Variants in KLF12 observed in about 807,000 individuals in gnomAD.
The protein encoded by KLF12 is KLF transcription factor 12.
KLF12 carries 9 observed loss-of-function variants against 37.8 expected under a neutral mutation model. The observed-to-expected ratio is 0.24, with a 90% CI of 0.14 to 0.42. KLF12 has a LOEUF of 0.42. Among genes scored for constraint, KLF12 ranks in the 10% least tolerant of loss-of-function variants. The pLI is 1.00. For missense variants in KLF12, 411 were observed against 516.0 expected, an observed-to-expected ratio of 0.80 and a Z score of 1.97; for synonymous variants, 208 against 202.1, an observed-to-expected ratio of 1.03 and a Z score of -0.25.
the KLF12 span, among the ~76,000 whole-genome samples, chr13:74,268,948 AAT>A: frequency 1.3e-5 from 2 of 152,198 alleles, no homozygotes; most frequent in East Asian, 1.9e-4. Context: ...ACTGAAGAAA[AAT>A]AGAGTTGCTA....
At chr13:74,224,094 T>C in the KLF12 span, among the ~76,000 whole-genome samples, 1 of 152,168 alleles carries the variant, frequency 6.6e-6, no homozygotes, top group African/African-American at 2.4e-5. Context: ...TTGTTCAAGT[T>C]AGAGAATCCT....
intron 5 of KLF12, among the ~76,000 whole-genome samples, chr13:73,791,948 A>G (rs1881710530): frequency 6.6e-6 from 1 of 152,208 alleles, no homozygotes; most frequent in African/African-American, 2.4e-5. Context: ...TGTACTAAAC[A>G]TGGCAAAACC....
chr13:74,181,026 T>C, the KLF12 span, among the ~76,000 whole-genome samples: 1 of 152,034 alleles, frequency 6.6e-6, no homozygotes, highest in Admixed American at 6.6e-5. Flanking sequence ...TTTGACGGAG[T>C]CTTGCTTTGT....
At chr13:74,184,408 G>T in the KLF12 span, among the ~76,000 whole-genome samples, 2 of 151,880 alleles carry the variant, frequency 1.3e-5, no homozygotes, top group African/African-American at 4.8e-5. Context: ...AGTAAACCAG[G>T]AAAGGCTTTA....
At chr13:74,277,888 G>C in the KLF12 span, among the ~76,000 whole-genome samples, 1 of 152,162 alleles carries the variant, frequency 6.6e-6, no homozygotes, top group Non-Finnish European at 1.5e-5. Flanking sequence ...AGAGTAGTTG[G>C]CTTCTTCTAC....
intron 4 of KLF12, among the ~76,000 whole-genome samples, chr13:73,819,374 A>T (rs1159871320): frequency 1.3e-5 from 2 of 151,644 alleles, no homozygotes; most frequent in Non-Finnish European, 2.9e-5. Flanking sequence ...CTTCTATAAC[A>T]CTCCTTCTAA....
chr13:73,940,496 A>G (rs771986279), intron 3 of KLF12, among the ~76,000 whole-genome samples: 11 of 152,232 alleles, frequency 7.2e-5, no homozygotes, highest in Non-Finnish European at 4.4e-5. Flanking sequence ...CATGGCTACG[A>G]GATGAGGACT....
chr13:73,839,093 C>CT (rs371913126), intron 4 of KLF12, among the ~76,000 whole-genome samples: 6,431 of 138,602 alleles, frequency 0.046, 221 homozygotes, highest in African/African-American at 0.094. Context: ...ATGACATTAA[C>CT]TTTTTTTTTT....
At chr13:74,208,658 G>A in the KLF12 span, among the ~76,000 whole-genome samples, 1 of 152,012 alleles carries the variant, frequency 6.6e-6, no homozygotes, top group African/African-American at 2.4e-5. Context: ...GAGAGCATTA[G>A]AATCCAGGAA....
chr13:73,911,144 T>C (rs959058842), intron 3 of KLF12, among the ~76,000 whole-genome samples: 1 of 152,204 alleles, frequency 6.6e-6, no homozygotes, highest in African/African-American at 2.4e-5. Flanking sequence ...GTGATTGATA[T>C]ATTAGTTTGA....
At chr13:74,132,415 T>G (rs1878311806) in intron 1 of KLF12, among the ~76,000 whole-genome samples, 1 of 152,204 alleles carries the variant, frequency 6.6e-6, no homozygotes, top group South Asian at 2.1e-4. Flanking sequence ...ATAGAGTTGC[T>G]CGTCTCTCCG....
At chr13:74,080,927 A>G (rs1056329148) in intron 1 of KLF12, among the ~76,000 whole-genome samples, 2 of 152,184 alleles carry the variant, frequency 1.3e-5, no homozygotes, top group Admixed American at 6.5e-5. Context: ...TCTTCCTATC[A>G]CTGAACTGAT....
chr13:73,856,161 CT>C (rs1885596957), intron 3 of KLF12, among the ~76,000 whole-genome samples: 1 of 152,176 alleles, frequency 6.6e-6, no homozygotes, highest in Non-Finnish European at 1.5e-5. Context: ...AGGCTGGGGA[CT>C]TAGAGATGAA....
chr13:74,085,031 C>A (rs1875181006), intron 1 of KLF12, among the ~76,000 whole-genome samples: 1 of 151,908 alleles, frequency 6.6e-6, no homozygotes, highest in Non-Finnish European at 1.5e-5. Context: ...ATATCATGAT[C>A]CATTAAACAA....
the KLF12 span, among the ~76,000 whole-genome samples, chr13:74,204,164 C>G: frequency 6.6e-6 from 1 of 152,094 alleles, no homozygotes; most frequent in Admixed American, 6.6e-5. Flanking sequence ...TACTATGTGT[C>G]TGACTTTGGA....
Position 73,814,054 on chromosome 13 carries a change from A to G in KLF12, c.671-767T>C, listed in dbSNP as rs570596127. ...GGTTACTTACTGTCAACATATGTTA[A>G]CACATATTTTTAAAAATTACATTTC... On this transcript the variant is annotated intron_variant, in intron 4 of 7. Transcript: ENST00000377669. Among the ~76,000 whole-genome samples the G allele has an allele frequency of 2.0e-5, 3 of 152,366 alleles. No homozygotes were observed. In the East Asian group the frequency reaches 5.8e-4, roughly 29 times the overall value.
At chr13:74,043,898 T>G (rs1032609661) in intron 1 of KLF12, among the ~76,000 whole-genome samples, 1 of 152,234 alleles carries the variant, frequency 6.6e-6, no homozygotes, top group African/African-American at 2.4e-5. Flanking sequence ...CTAACAATCT[T>G]GCAGAGAATT....
At chr13:73,695,944 A>G (rs936206512) in intron 7 of KLF12, among the ~76,000 whole-genome samples, 1 of 152,198 alleles carries the variant, frequency 6.6e-6, no homozygotes, top group African/African-American at 2.4e-5. Flanking sequence ...ATTGACTGCC[A>G]CTGGATATAT....
chr13:73,993,008 G>C (rs1363485354), intron 2 of KLF12, among the ~76,000 whole-genome samples: 4 of 152,142 alleles, frequency 2.6e-5, no homozygotes, highest in African/African-American at 9.7e-5. Context: ...AAGGTGGGAG[G>C]ATCACTTGAG....
Sources: allele counts gnomAD v4.1 joint callset (sites outside exome capture counted in the v4.1 genomes callset), GRCh38; gene constraint gnomAD v4.1.1; transcripts MANE v1.5; gene names NCBI Gene and HGNC (gene_info 2026-07-23, HGNC 2026-07-21).